TBC1D22B: variants seen among roughly 807,000 people sequenced by gnomAD.
TBC1D22B encodes chromosome 6 open reading frame 197.
TBC1D22B carries 32 observed loss-of-function variants against 69.1 expected under a neutral mutation model. The observed-to-expected ratio is 0.46, with a 90% CI of 0.35 to 0.62. The LOEUF (loss-of-function observed/expected upper bound fraction) is 0.62, where lower values mean the gene tolerates loss of function less well. Ranked by LOEUF, TBC1D22B falls within the 20% of genes least tolerant of loss-of-function variation. The probability of loss-of-function intolerance (pLI) is 0.00; values close to 1 mark genes in which losing one functional copy is unlikely to be tolerated. For synonymous variants in TBC1D22B, 206 were observed against 229.8 expected (o/e 0.90, Z 0.94); for missense variants, 462 against 630.9 (o/e 0.73, Z 2.87).
chr6:37,270,161 G>A lies in TBC1D22B; in HGVS notation c.113+511G>A, dbSNP rs1583527725. On this transcript the variant is annotated intron_variant, in intron 2 of 12. Coordinates refer to ENST00000373491, the MANE Select transcript of TBC1D22B (RefSeq NM_017772.4). ...AGGCATATGTACAGTAGAGTTAAAA[G>A]CTATTTAGGGCTGGGCATGGTGGCT... Among the ~76,000 whole-genome samples, 2 of 152,260 alleles carry A rather than the reference G, an allele frequency of 1.3e-5. 1 individual carries two copies.
chr6:37,269,496 C>A, intron 1 of TBC1D22B, 98 bp from the exon 2 acceptor site: 1 of 1,129,208 alleles, frequency 8.9e-7, no homozygotes, highest in South Asian at 1.3e-5. Flanking sequence ...ACCTATTTAT[C>A]AAAGTCTCAT....
chr6:37,289,606 A>AG (rs1162321668), intron 7 of TBC1D22B, among the ~76,000 whole-genome samples: 1 of 152,214 alleles, frequency 6.6e-6, no homozygotes, highest in Admixed American at 6.5e-5. Context: ...AGTATTTACA[A>AG]GGGGCTGATC....
chr6:37,290,367 A>C (rs564096743), intron 7 of TBC1D22B, among the ~76,000 whole-genome samples: 3 of 152,274 alleles, frequency 2.0e-5, no homozygotes, highest in African/African-American at 7.2e-5. Flanking sequence ...CAGACTTGGG[A>C]ATTGTGGTCA....
chr6:37,293,928 C>G (rs751759387), intron 8 of TBC1D22B, among the ~76,000 whole-genome samples: 65 of 152,322 alleles, frequency 4.3e-4, no homozygotes, highest in Non-Finnish European at 7.9e-4. Flanking sequence ...CCTTAATTCT[C>G]TTCACTTTCA....
chr6:37,269,830 T>G (rs539209024), intron 2 of TBC1D22B, among the ~76,000 whole-genome samples, 180 bp downstream of exon 2: 6 of 152,312 alleles, frequency 3.9e-5, no homozygotes, highest in Admixed American at 2.6e-4. Context: ...GGAAATTAAC[T>G]CCCATTAGAG....
intron 12 of TBC1D22B, among the ~76,000 whole-genome samples, chr6:37,317,471 C>T (rs1002266746): frequency 6.6e-6 from 1 of 152,166 alleles, no homozygotes; most frequent in Admixed American, 6.5e-5. Flanking sequence ...CATTCACTGA[C>T]AAGCATTTAT....
chr6:37,274,194 C>G (rs1766592395), intron 2 of TBC1D22B, among the ~76,000 whole-genome samples: 1 of 152,166 alleles, frequency 6.6e-6, no homozygotes, highest in African/African-American at 2.4e-5. Context: ...TCACATGGAG[C>G]CACACTAGTT....
chr6:37,258,118 G>A (rs1765889327), intron 1 of TBC1D22B, 145 bp downstream of exon 1: 4 of 909,918 alleles, frequency 4.4e-6, no homozygotes, highest in African/African-American at 1.7e-5. Context: ...CAGGGCAGCT[G>A]TCAGGCAGCG....
intron 12 of TBC1D22B, among the ~76,000 whole-genome samples, chr6:37,322,772 G>A (rs195427): frequency 0.84 from 127,206 of 152,118 alleles, 53,507 homozygotes; most frequent in South Asian, 0.91. Context: ...GAGGAAAGGC[G>A]TGACAAGCCC....
chr6:37,284,754 A>G (rs1766950953), intron 6 of TBC1D22B, among the ~76,000 whole-genome samples: 1 of 152,230 alleles, frequency 6.6e-6, no homozygotes, highest in African/African-American at 2.4e-5. Context: ...ATTATGAGAA[A>G]ATGCAGATTC....
Position 37,297,215 on chromosome 6 carries a change from G to A in TBC1D22B, c.982+5858G>A, listed in dbSNP as rs143204501. Among the ~76,000 whole-genome samples the A allele has an allele frequency of 1.8e-3, 267 of 152,222 alleles. 1 individual carries two copies. The highest frequency in any genetic ancestry group is 6.1e-3 in the African/African-American group (254 of 41,520). On this transcript the variant is annotated intron_variant, in intron 8 of 12. Transcript: ENST00000373491. ...CCTTTATGTAATCTAATATACAGTC[G>A]TATTCATAAATCTATTCAACAGTTT...
At chr6:37,268,980 G>A (rs1766394173) in intron 1 of TBC1D22B, among the ~76,000 whole-genome samples, 1 of 152,154 alleles carries the variant, frequency 6.6e-6, no homozygotes, top group Non-Finnish European at 1.5e-5. Context: ...TTGGGGCTAA[G>A]ACGAGCCATG....
Position 37,273,179 on chromosome 6 carries a change from G to A in TBC1D22B, c.113+3529G>A, listed in dbSNP as rs145165265. ...GCTATAGCAGCCGACTCGTAACCCCGAGGCAAAAAAAAAAAAAAAAAAAAA... is the reference window on the plus strand; with the variant it reads ...GCTATAGCAGCCGACTCGTAACCCCAAGGCAAAAAAAAAAAAAAAAAAAAA... On this transcript the variant is annotated intron_variant, in intron 2 of 12. Coordinates refer to ENST00000373491, the MANE Select transcript of TBC1D22B (RefSeq NM_017772.4). Among the ~76,000 whole-genome samples, 505 of 73,658 alleles carry A rather than the reference G, an allele frequency of 6.9e-3. 4 individuals are homozygous for A. The highest frequency in any genetic ancestry group is 0.027 in the African/African-American group (482 of 17,942). The allele number at this position is 73,658 out of a possible 152,430, so 48.3% of individuals were successfully genotyped here.
chr6:37,321,796 T>A (rs1319387632), intron 12 of TBC1D22B, among the ~76,000 whole-genome samples: 3 of 152,160 alleles, frequency 2.0e-5, no homozygotes, highest in Non-Finnish European at 4.4e-5. Context: ...CAGGCTTCTG[T>A]TAGATCAGTG....
intron 12 of TBC1D22B, among the ~76,000 whole-genome samples, chr6:37,325,209 T>C (rs560999407): frequency 6.6e-6 from 1 of 152,302 alleles, no homozygotes; most frequent in Admixed American, 6.5e-5. Flanking sequence ...TTCTCTGCCA[T>C]ATTGCCTTTT....
intron 3 of TBC1D22B, 133 bp from the exon 4 acceptor site, chr6:37,282,052 G>A: frequency 1.0e-6 from 1 of 961,060 alleles, no homozygotes; most frequent in Admixed American, 2.1e-5. Flanking sequence ...CCTTCAGCTG[G>A]GCACCTCAGA....
intron 1 of TBC1D22B, among the ~76,000 whole-genome samples, chr6:37,262,235 T>G (rs1374951773): frequency 6.6e-6 from 1 of 152,076 alleles, no homozygotes; most frequent in Non-Finnish European, 1.5e-5. Flanking sequence ...TTTCGCCATG[T>G]TGGCCAGGCT....
At chr6:37,282,112 G>A (rs151308548) in intron 3 of TBC1D22B, 73 bp from the exon 4 acceptor site, 36 of 1,525,296 alleles carry the variant, frequency 2.4e-5, no homozygotes, top group Non-Finnish European at 2.8e-5. Flanking sequence ...AATGCTGAAC[G>A]GTTAGGTTTA....
rs116482273 is a variant in TBC1D22B at position 37,304,988 on chromosome 6, T to C, written c.983-7930T>C. On this transcript the variant is annotated intron_variant, in intron 8 of 12. Coordinates refer to ENST00000373491, the MANE Select transcript of TBC1D22B (RefSeq NM_017772.4). The stretch of plus-strand genomic sequence containing the variant: ...GTGAGCCGCCTTCACACTGAGGAGA[T>C]GACATTTGAGCAGAGCCCTGAAGGA... Among the ~76,000 whole-genome samples the C allele has an allele frequency of 8.4e-3, 1,286 of 152,282 alleles. 17 individuals carry two copies. The highest frequency in any genetic ancestry group is 0.028 in the African/African-American group (1,180 of 41,544).
Sources: allele counts gnomAD v4.1 joint callset (sites outside exome capture counted in the v4.1 genomes callset), GRCh38; gene constraint gnomAD v4.1.1; transcripts MANE v1.5; gene names NCBI Gene and HGNC (gene_info 2026-07-23, HGNC 2026-07-21).